The following OLA1 variants were observed in gnomAD, a reference collection of about 807,000 sequenced individuals.
OLA1 encodes the protein obg-like ATPase 1.
Under a neutral mutation model 48.4 loss-of-function variants are expected in OLA1, and 14 were observed. The observed-to-expected ratio is 0.29, with a 90% CI of 0.19 to 0.45. The LOEUF (loss-of-function observed/expected upper bound fraction) is 0.45. Among genes scored for constraint, OLA1 ranks in the 20% least tolerant of loss-of-function variants. The probability of loss-of-function intolerance (pLI) is 1.00; values close to 1 mark genes in which losing one functional copy is unlikely to be tolerated. For missense variants in OLA1, 325 were observed against 467.1 expected (o/e 0.70, Z 2.80); for synonymous variants, 127 against 150.4 (o/e 0.84, Z 1.14).
At chr2:174,106,494 T>C (rs571618866) in intron 7 of OLA1, among the ~76,000 whole-genome samples, 11 of 152,220 alleles carry the variant, frequency 7.2e-5, no homozygotes, top group African/African-American at 2.2e-4. Context: ...TCTAAGCAGC[T>C]AACAAAAGCA....
chr2:174,230,568 T>C (rs948885616), intron 2 of OLA1, among the ~76,000 whole-genome samples: 2 of 152,196 alleles, frequency 1.3e-5, no homozygotes, highest in South Asian at 2.1e-4. Flanking sequence ...GAAAGAAGTA[T>C]ATACATCATC....
intron 2 of OLA1, among the ~76,000 whole-genome samples, chr2:174,237,518 C>A (rs1688887003): frequency 6.6e-6 from 1 of 152,088 alleles, no homozygotes; most frequent in Non-Finnish European, 1.5e-5. Flanking sequence ...GAGACTGAGG[C>A]AAAGAGATCG....
chr2:174,116,634 G>A (rs887074993), intron 7 of OLA1, among the ~76,000 whole-genome samples: 4 of 152,142 alleles, frequency 2.6e-5, no homozygotes, highest in African/African-American at 9.7e-5. Flanking sequence ...AAATTGGGCT[G>A]CAACCTCAGG....
At chr2:174,171,605 A>G (rs1349684300) in intron 4 of OLA1, among the ~76,000 whole-genome samples, 2 of 152,254 alleles carry the variant, frequency 1.3e-5, no homozygotes, top group Non-Finnish European at 2.9e-5. Flanking sequence ...TGTGGGATGC[A>G]GCTAAAGCAG....
At chr2:174,130,586 A>G (rs1574497882) in intron 5 of OLA1, among the ~76,000 whole-genome samples, 1 of 152,360 alleles carries the variant, frequency 6.6e-6, no homozygotes, top group Middle Eastern at 3.4e-3. Flanking sequence ...TCTGGCTATT[A>G]GTAAAGAGAA....
chr2:174,226,719 G>A (rs911690006), intron 3 of OLA1, among the ~76,000 whole-genome samples: 2 of 152,052 alleles, frequency 1.3e-5, no homozygotes, highest in Admixed American at 6.6e-5. Flanking sequence ...GGCTGGTCTT[G>A]AACTCTTGAC....
intron 7 of OLA1, among the ~76,000 whole-genome samples, chr2:174,084,283 T>A (rs1445426234): frequency 1.3e-5 from 2 of 152,124 alleles, no homozygotes; most frequent in Non-Finnish European, 2.9e-5. Context: ...GTGACTGACA[T>A]CAGACCTGCT....
At chr2:174,216,208 C>G (rs1055953183) in intron 4 of OLA1, among the ~76,000 whole-genome samples, 50 of 152,002 alleles carry the variant, frequency 3.3e-4, no homozygotes, top group African/African-American at 1.2e-3. Flanking sequence ...GGGGCTGAGG[C>G]AGGAGGATAA....
chr2:174,198,004 G>A (rs183327224), intron 4 of OLA1, among the ~76,000 whole-genome samples: 32 of 152,264 alleles, frequency 2.1e-4, no homozygotes, highest in East Asian at 9.7e-4. Context: ...TTGCTCTGTC[G>A]CCAGACTGGA....
intron 7 of OLA1, among the ~76,000 whole-genome samples, chr2:174,121,923 A>G (rs746012857): frequency 1.3e-4 from 20 of 152,336 alleles, no homozygotes; most frequent in Middle Eastern, 3.4e-3. Flanking sequence ...TGTTTCACAG[A>G]GCCTCAGGAA....
At chr2:174,141,521 T>A (rs1448597997) in intron 5 of OLA1, among the ~76,000 whole-genome samples, 3 of 152,146 alleles carry the variant, frequency 2.0e-5, no homozygotes, top group Admixed American at 2.0e-4. Context: ...TTTCACCAAA[T>A]CCAGTAAGTT....
intron 5 of OLA1, among the ~76,000 whole-genome samples, chr2:174,133,117 G>T (rs1021293951): frequency 1.4e-4 from 21 of 151,966 alleles, no homozygotes; most frequent in African/African-American, 5.1e-4. Context: ...CTTTGATATC[G>T]TATACTACAC....
At chr2:174,111,779 TG>T (rs971322422) in intron 7 of OLA1, among the ~76,000 whole-genome samples, 8 of 152,088 alleles carry the variant, frequency 5.3e-5, no homozygotes, top group African/African-American at 1.9e-4. Context: ...TTAGTGAAAA[TG>T]CAAGGAAACA....
chr2:174,137,828 T>A (rs1686348942), intron 5 of OLA1, among the ~76,000 whole-genome samples: 5 of 152,234 alleles, frequency 3.3e-5, no homozygotes, highest in Admixed American at 3.3e-4. Flanking sequence ...CTTAAGGGAA[T>A]ATTGTGGATA....
At chr2:174,172,222 G>T in intron 4 of OLA1, 1 of 215,162 alleles carries the variant, frequency 4.6e-6, no homozygotes, top group South Asian at 8.9e-5. Flanking sequence ...ACTGCAGGCC[G>T]TGGTGGAGTT....
chr2:174,095,336 T>G (rs1159849320), intron 7 of OLA1, among the ~76,000 whole-genome samples: 1 of 123,418 alleles, frequency 8.1e-6, no homozygotes, highest in Non-Finnish European at 1.8e-5. Flanking sequence ...TTTTTTTTTT[T>G]TTTTTTTTTT....
At chr2:174,124,839 CA>C (rs1686010803) in intron 5 of OLA1, among the ~76,000 whole-genome samples, 1 of 152,006 alleles carries the variant, frequency 6.6e-6, no homozygotes. Context: ...ACCTTCCTTC[CA>C]AATTTTGCTG....
At chr2:174,118,289 T>C (rs1236235704) in intron 7 of OLA1, among the ~76,000 whole-genome samples, 1 of 152,216 alleles carries the variant, frequency 6.6e-6, no homozygotes, top group Non-Finnish European at 1.5e-5. Context: ...TGTAAAAGTG[T>C]AGCTCATCCC....
At chr2:174,103,814 A>G (rs1334441033) in intron 7 of OLA1, among the ~76,000 whole-genome samples, 1 of 152,210 alleles carries the variant, frequency 6.6e-6, no homozygotes, top group Non-Finnish European at 1.5e-5. Flanking sequence ...AAGATGATAC[A>G]GCTTGTGATA....
Sources: allele counts gnomAD v4.1 joint callset (sites outside exome capture counted in the v4.1 genomes callset), GRCh38; gene constraint gnomAD v4.1.1; transcripts MANE v1.5; gene names NCBI Gene and HGNC (gene_info 2026-07-23, HGNC 2026-07-21).